The following PCDHGA3 variants were observed in gnomAD, a reference collection of about 807,000 sequenced individuals.
The protein encoded by PCDHGA3 is protocadherin gamma-A3.
PCDHGA3 carries 40 observed loss-of-function variants against 58.5 expected under a neutral mutation model. The ratio of observed to expected loss-of-function variants is 0.68; its 90% CI spans 0.53 to 0.89. The LOEUF (loss-of-function observed/expected upper bound fraction) is 0.89, where lower values mean the gene tolerates loss of function less well. Among genes scored for constraint, PCDHGA3 ranks in the 40% least tolerant of loss-of-function variants. The probability of loss-of-function intolerance (pLI) is 0.00; values close to 1 mark genes in which losing one functional copy is unlikely to be tolerated. For synonymous variants in PCDHGA3, 530 were observed against 525.7 expected (o/e 1.01, Z -0.11); for missense variants, 1,223 against 1,195.9 (o/e 1.02, Z -0.33).
chr5:141,365,586 A>G lies in PCDHGA3; in HGVS notation c.2424+19129A>G, dbSNP rs757726887. 5 of 1,613,564 alleles carry G rather than the reference A, an allele frequency of 3.1e-6. No individual in the cohort carries two copies. In the Admixed American group the frequency reaches 6.7e-5, roughly 22 times the overall value. On this transcript the variant is annotated intron_variant, in intron 1 of 3. Transcript: ENST00000253812. ...GACAGAGAAGAGACTTCAGATTATA[A>G]TATCACTTTAACCGTCATGGACCAT... is the stretch of plus-strand genomic sequence containing the variant.
chr5:141,359,686 A>G (rs1375097963), intron 1 of PCDHGA3, among the ~76,000 whole-genome samples: 1 of 152,128 alleles, frequency 6.6e-6, no homozygotes, highest in East Asian at 1.9e-4. Context: ...TATACAAGAC[A>G]TATCTCCGGA....
chr5:141,447,533 G>T (rs2098541881), intron 1 of PCDHGA3, among the ~76,000 whole-genome samples: 1 of 152,120 alleles, frequency 6.6e-6, no homozygotes, highest in South Asian at 2.1e-4. Flanking sequence ...CAAAATTGTT[G>T]GGTTTTAATG....
At chr5:141,389,093 G>A in intron 1 of PCDHGA3, 1 of 1,614,018 alleles carries the variant, frequency 6.2e-7, no homozygotes, top group Non-Finnish European at 8.5e-7. Flanking sequence ...ATAAATTAGT[G>A]ACAGATGCTG....
chr5:141,486,105 A>C lies in PCDHGA3; in HGVS notation c.2425-8702A>C. The stretch of plus-strand genomic sequence containing the variant: ...ACTCTTTTGGGGCCCCTAGACTTTG[A>C]GAGTGAGAATTACTATGAATTTGAT... On this transcript the variant is annotated intron_variant, in intron 1 of 3. Transcript: ENST00000253812. This position sits in a 1 kb window ranked among gnomAD's most constrained non-coding sequence, Gnocchi z 5.0. The C allele has an allele frequency of 1.2e-6, 2 of 1,614,138 alleles. No individual in the cohort carries two copies. The highest frequency in any genetic ancestry group is 1.7e-6 in the Non-Finnish European group (2 of 1,180,016).
At chr5:141,414,356 T>C in intron 1 of PCDHGA3, 1 of 1,613,950 alleles carries the variant, frequency 6.2e-7, no homozygotes, top group Non-Finnish European at 8.5e-7. Flanking sequence ...TTGGCGTATC[T>C]ACCATTTAAA....
At chr5:141,447,011 C>T (rs1213312322) in intron 1 of PCDHGA3, among the ~76,000 whole-genome samples, 1 of 143,918 alleles carries the variant, frequency 6.9e-6, no homozygotes. Flanking sequence ...TCCTAGTGTT[C>T]AGTTTTGTTT....
chr5:141,420,910 G>T, intron 1 of PCDHGA3: 1 of 311,900 alleles, frequency 3.2e-6, no homozygotes, highest in South Asian at 7.0e-5. Context: ...ACAAATACGT[G>T]TGATTCACAA....
At chr5:141,371,686 C>A (rs377384867) in intron 1 of PCDHGA3, 4 of 1,613,910 alleles carry the variant, frequency 2.5e-6, no homozygotes, top group Non-Finnish European at 3.4e-6. Flanking sequence ...GGCAATCCAC[C>A]GCTCTCCTCC....
In PCDHGA3 at chr5:141,432,872, C is replaced by A. The variant is rs73280906; in HGVS notation, c.2425-61935C>A. The stretch of plus-strand genomic sequence containing the variant: ...GGTGGCCGCGGTCTCCTGCGTCTTC[C>A]TGGCCTTCGTCATCTTGCTGCTGGC... On this transcript the variant is annotated intron_variant, in intron 1 of 3. Transcript: ENST00000253812. The surrounding 1 kb of genome is among the most constrained non-coding windows in gnomAD (Gnocchi z 6.0). 2,361 of 1,614,192 alleles carry A rather than the reference C, an allele frequency of 1.5e-3. 32 individuals carry two copies. In the African/African-American group the frequency reaches 0.028, roughly 19 times the overall value.
In PCDHGA3 at chr5:141,447,157, T is replaced by A. The variant is rs569196292; in HGVS notation, c.2425-47650T>A. On this transcript the variant is annotated intron_variant, in intron 1 of 3. Transcript: ENST00000253812. The stretch of plus-strand genomic sequence containing the variant: ...TTTGTTTTTTGTTTTTGTTTTTGTT[T>A]AAGCGGGGTCTTGCTCTTGTCGCGC... Among the ~76,000 whole-genome samples the A allele has an allele frequency of 4.1e-4, 62 of 152,254 alleles. No homozygotes were observed. The South Asian group carries it at 0.013, about 31-fold the overall frequency.
chr5:141,485,680 C>T lies in PCDHGA3; in HGVS notation c.2425-9127C>T. The T allele has an allele frequency of 6.2e-7, 1 of 1,613,966 alleles. No individual in the cohort carries two copies. Among genetic ancestry groups the T allele is most frequent in the South Asian group, 1.1e-5 (1 of 91,066 alleles). The stretch of plus-strand genomic sequence containing the variant: ...ATGTGGGGAGCAATTCGATTAGCAG[C>T]TATAGGCTGAGCTCCAATGAACACT... On this transcript the variant is annotated intron_variant, in intron 1 of 3. Coordinates refer to ENST00000253812, the MANE Select transcript of PCDHGA3 (RefSeq NM_018916.4). The surrounding 1 kb of genome is among the most constrained non-coding windows in gnomAD (Gnocchi z 5.7).
chr5:141,445,433 C>A (rs2098466883), intron 1 of PCDHGA3, among the ~76,000 whole-genome samples: 1 of 152,136 alleles, frequency 6.6e-6, no homozygotes, highest in Non-Finnish European at 1.5e-5. Flanking sequence ...AAGGCACTGA[C>A]CTATGGACTA....
chr5:141,478,744 T>C, intron 1 of PCDHGA3: 1 of 1,528,172 alleles, frequency 6.5e-7, no homozygotes, highest in Non-Finnish European at 8.8e-7. Flanking sequence ...TGTGGTCCCA[T>C]TTCAGGGGGA....
In PCDHGA3 at chr5:141,476,656, T is replaced by A. The variant is rs190269177; in HGVS notation, c.2425-18151T>A. 6.2e-7 allele frequency: 1 copy of A among 1,614,210 alleles called. No individual in the cohort carries two copies. The highest frequency in any genetic ancestry group is 1.3e-5 in the African/African-American group (1 of 75,064). ...ATGAGCTGAGCCGAAATGAATACTTTGCGCTTCGCGTGCAGACGCGGGAGG... is the reference window on the plus strand; with the variant it reads ...ATGAGCTGAGCCGAAATGAATACTTAGCGCTTCGCGTGCAGACGCGGGAGG... On this transcript the variant is annotated intron_variant, in intron 1 of 3. Coordinates refer to ENST00000253812, the MANE Select transcript of PCDHGA3 (RefSeq NM_018916.4). This position sits in a 1 kb window ranked among gnomAD's most constrained non-coding sequence, Gnocchi z 7.6.
At chr5:141,412,286 G>A (rs150947924) in intron 1 of PCDHGA3, 104 of 152,170 alleles carry the variant, frequency 6.8e-4, no homozygotes, top group African/African-American at 2.3e-3. Flanking sequence ...CAAATTCTAC[G>A]TATTTCTTTT....
chr5:141,431,770 T>A lies in PCDHGA3; in HGVS notation c.2425-63037T>A, dbSNP rs748816389. 7 of 1,614,086 alleles carry A rather than the reference T, an allele frequency of 4.3e-6. No homozygotes were observed. The highest frequency in any genetic ancestry group is 1.3e-5 in the African/African-American group (1 of 74,938). ...CGCGAGCCAAAGTCCTGATCACTGT[T>A]CTGGACGTGAACGACAATGCCCCAG... On this transcript the variant is annotated intron_variant, in intron 1 of 3. Coordinates refer to ENST00000253812, the MANE Select transcript of PCDHGA3 (RefSeq NM_018916.4). This position sits in a 1 kb window ranked among gnomAD's most constrained non-coding sequence, Gnocchi z 4.8.
In PCDHGA3 at chr5:141,489,911, G is replaced by A; in HGVS notation, c.2425-4896G>A. On this transcript the variant is annotated intron_variant, in intron 1 of 3. Transcript: ENST00000253812. The surrounding 1 kb of genome is among the most constrained non-coding windows in gnomAD (Gnocchi z 4.5). ...GATGGGGGGACCCCAGCCCGCTCAG[G>A]GACCACCCTTATCTCTGTCATCGTG... 3.7e-6 allele frequency: 6 copies of A among 1,614,198 alleles called. No individual in the cohort carries two copies. Among genetic ancestry groups the A allele is most frequent in the Non-Finnish European group, 5.1e-6 (6 of 1,180,042 alleles).
At chr5:141,447,549 A>T (rs1387130901) in intron 1 of PCDHGA3, among the ~76,000 whole-genome samples, 1 of 152,216 alleles carries the variant, frequency 6.6e-6, no homozygotes, top group Non-Finnish European at 1.5e-5. Context: ...TAATGTTATG[A>T]GTACACTTGG....
chr5:141,394,007 A>G lies in PCDHGA3; in HGVS notation c.2424+47550A>G, dbSNP rs1230558462. The G allele has an allele frequency of 3.7e-6, 6 of 1,613,344 alleles. No homozygotes were observed. The East Asian group carries it at 1.3e-4, about 36-fold the overall frequency. Reference sequence around the variant, plus strand: ...TACCTTTTAAATTAGAAAAGTCAATAGGTAATTATTATAGATTAGTGACAA... The same window carrying G: ...TACCTTTTAAATTAGAAAAGTCAATGGGTAATTATTATAGATTAGTGACAA... On this transcript the variant is annotated intron_variant, in intron 1 of 3. Coordinates refer to ENST00000253812, the MANE Select transcript of PCDHGA3 (RefSeq NM_018916.4).
Sources: allele counts gnomAD v4.1 joint callset (sites outside exome capture counted in the v4.1 genomes callset), GRCh38; gene constraint gnomAD v4.1.1; non-coding constraint Gnocchi (gnomAD v3.1); transcripts MANE v1.5; gene names NCBI Gene and HGNC (gene_info 2026-07-23, HGNC 2026-07-21).